The following TDRD5 variants were observed in gnomAD, a reference collection of about 807,000 sequenced individuals.
TDRD5 encodes the protein tudor domain-containing protein 5.
In TDRD5, 41 loss-of-function variants were observed where a neutral mutation model predicts 120.6. That is an observed-to-expected ratio of 0.34 (90% CI 0.26 to 0.44). TDRD5 has a LOEUF of 0.44. Ranked by LOEUF, TDRD5 falls within the 20% of genes least tolerant of loss-of-function variation. The pLI is 1.00. For missense variants in TDRD5, 1,006 were observed against 1,221.2 expected, an observed-to-expected ratio of 0.82 and a Z score of 2.63; for synonymous variants, 430 against 433.7, an observed-to-expected ratio of 0.99 and a Z score of 0.11.
chr1:179,653,072 C>G (rs1203094340), intron 13 of TDRD5, among the ~76,000 whole-genome samples: 1 of 152,106 alleles, frequency 6.6e-6, no homozygotes, highest in Non-Finnish European at 1.5e-5. Context: ...AAGGGATACT[C>G]AATGTGTAAA....
chr1:179,652,507 TC>T lies in TDRD5; in HGVS notation c.2160+313del, dbSNP rs931398723. The stretch of plus-strand genomic sequence containing the variant: ...CTTCAGGTATTCTCGTTTCTTACTT[TC>T]CCTGTAAACTTTCAGCAACTCCTCC... On this transcript the variant is annotated intron_variant, in intron 13 of 17. Transcript: ENST00000444136. Among the ~76,000 whole-genome samples, 5 of 152,256 alleles carry T rather than the reference TC, an allele frequency of 3.3e-5. No individual in the cohort carries two copies. The South Asian group carries it at 6.2e-4, about 19-fold the overall frequency.
At chr1:179,664,578 T>C (rs190177454) in intron 16 of TDRD5, among the ~76,000 whole-genome samples, 13 of 152,276 alleles carry the variant, frequency 8.5e-5, no homozygotes, top group Middle Eastern at 3.4e-3. Flanking sequence ...GATTGTCTTC[T>C]TTCACCTAGC....
chr1:179,648,455 G>A lies in TDRD5; in HGVS notation c.1801-2412G>A, dbSNP rs28437666. 4.5e-4 allele frequency among the ~76,000 whole-genome samples: 40 copies of A among 88,380 alleles called. 4 individuals are homozygous for A. Among genetic ancestry groups the A allele is most frequent in the African/African-American group, 1.4e-3 (36 of 25,898 alleles). 58.0% of individuals were successfully genotyped at this position (88,380 alleles called of 152,430 possible). A position where few individuals can be genotyped will look rare whatever the true frequency, so the allele number is the denominator to read the frequency against. On this transcript the variant is annotated intron_variant, in intron 11 of 17. Coordinates refer to ENST00000444136, the MANE Select transcript of TDRD5 (RefSeq NM_001199085.3). The stretch of plus-strand genomic sequence containing the variant: ...CACTCTGGGGACTGTTGTGGGGTGG[G>A]GGGGGGGAGGGATAGCATTGGGAGA...
intron 17 of TDRD5, among the ~76,000 whole-genome samples, chr1:179,690,486 A>T (rs1378849580): frequency 6.6e-6 from 1 of 152,150 alleles, no homozygotes; most frequent in African/African-American, 2.4e-5. Flanking sequence ...TCCTGACAAG[A>T]TTTATTTTAT....
At chr1:179,663,931 A>G (rs969707529) in intron 16 of TDRD5, among the ~76,000 whole-genome samples, 4 of 152,178 alleles carry the variant, frequency 2.6e-5, no homozygotes, top group Non-Finnish European at 4.4e-5. Flanking sequence ...TTGCTTTGGC[A>G]GAAAGCAGTA....
At chr1:179,667,187 A>G (rs1679598605) in intron 16 of TDRD5, among the ~76,000 whole-genome samples, 2 of 152,196 alleles carry the variant, frequency 1.3e-5, no homozygotes, top group African/African-American at 4.8e-5. Flanking sequence ...TTACTGTTAG[A>G]AGGGGAAGAC....
At position 179,598,491 on chromosome 1, in the gene TDRD5, A is replaced by C. The variant is rs74132203; in HGVS notation, c.831+2673A>C. The stretch of plus-strand genomic sequence containing the variant: ...CATCTTAACAGTATCAAGTCTGCTG[A>C]TTCAAAAGCATGGTATATCTTCATT... On this transcript the variant is annotated intron_variant, in intron 4 of 17. Coordinates refer to ENST00000444136, the MANE Select transcript of TDRD5 (RefSeq NM_001199085.3). Among the ~76,000 whole-genome samples the C allele has an allele frequency of 4.0e-3, 608 of 152,328 alleles. 7 individuals carry two copies. The highest frequency in any genetic ancestry group is 0.014 in the African/African-American group (586 of 41,580).
rs749390072 is a variant in TDRD5, at chr1:179,630,847, T to A, written c.1053T>A (p.Ile351=). Reference sequence around the variant, plus strand: ...AACTTGTTGGAGCTCTTAGTGACATTCTCCATGTTGAGTTCAGGAAAGGAC... The same window carrying A: ...AACTTGTTGGAGCTCTTAGTGACATACTCCATGTTGAGTTCAGGAAAGGAC... ...VTELVGALSD[I]LHVEFRKGHQ... The change falls in exon 7 of 18, where the codon ATT becomes ATA. Residue 351 remains isoleucine, a synonymous_variant. Transcript: ENST00000444136. 8.1e-6 allele frequency: 13 copies of A among 1,614,142 alleles called. No individual in the cohort carries two copies. The highest frequency in any genetic ancestry group is 3.3e-5 in the Admixed American group (2 of 60,034).
chr1:179,660,221 T>C (rs1421898356), intron 14 of TDRD5, among the ~76,000 whole-genome samples: 3 of 127,252 alleles, frequency 2.4e-5, no homozygotes, highest in East Asian at 4.6e-4. Flanking sequence ...GTTTTTTTTT[T>C]TTTTTTTTTT....
Position 179,592,782 on chromosome 1 carries a change from TG to T in TDRD5, c.169del (p.Val57TyrfsTer18). On this transcript the variant is annotated frameshift_variant, in exon 2 of 18. Transcript: ENST00000444136. LOFTEE classifies it high-confidence loss of function. ...RILGYRSTME[L>X]VLDMPDVVRV... ...CTTGGGTATCGGTCCACTATGGAGCTGGTATTGGACATGCCTGATGTTGTTC... is the reference window on the plus strand; with the variant it reads ...CTTGGGTATCGGTCCACTATGGAGCTGTATTGGACATGCCTGATGTTGTTC... 1 of 1,614,202 alleles carries T rather than the reference TG, an allele frequency of 6.2e-7. No homozygotes were observed. The highest frequency in any genetic ancestry group is 1.1e-5 in the South Asian group (1 of 91,088).
In TDRD5 at chr1:179,663,363, A is replaced by G. The variant is rs765095934; in HGVS notation, c.2521A>G (p.Thr841Ala). Residue 841 changes from threonine (T) to alanine (A), a missense_variant, in exon 16 of 18, where the codon ACC becomes GCC. Thr to Ala is a moderately conservative substitution (Grantham distance 58). Transcript: ENST00000444136. The part of the protein sequence containing the change: ...EMPQKDWCFS[T>A]PKDTWDDSWQ... Reference sequence around the variant, plus strand: ...TTCATTATAGGACTGGTGTTTTTCTACCCCTAAAGATACATGGGATGATTC... The same window carrying G: ...TTCATTATAGGACTGGTGTTTTTCTGCCCCTAAAGATACATGGGATGATTC... 1 of 1,610,690 alleles carries G rather than the reference A, an allele frequency of 6.2e-7. No homozygotes were observed. The highest frequency in any genetic ancestry group is 1.1e-5 in the South Asian group (1 of 90,070).
intron 6 of TDRD5, among the ~76,000 whole-genome samples, chr1:179,623,661 AG>A (rs1404783077): frequency 8.2e-6 from 1 of 122,332 alleles, no homozygotes; most frequent in Non-Finnish European, 1.6e-5. Flanking sequence ...TTTAAGAGAG[AG>A]TCTCACTGTC....
intron 16 of TDRD5, among the ~76,000 whole-genome samples, chr1:179,667,104 T>C (rs1572420579): frequency 6.6e-6 from 1 of 152,238 alleles, no homozygotes; most frequent in African/African-American, 2.4e-5. Context: ...AAGCTCTTCA[T>C]GTCTAGCAAG....
intron 8 of TDRD5, among the ~76,000 whole-genome samples, chr1:179,635,106 T>C (rs1402521467): frequency 1.3e-5 from 2 of 152,214 alleles, no homozygotes; most frequent in Non-Finnish European, 2.9e-5. Context: ...CTTGCTCTTT[T>C]TCCCTTCTAC....
At chr1:179,660,155 C>A (rs1011959510) in intron 14 of TDRD5, among the ~76,000 whole-genome samples, 7 of 145,758 alleles carry the variant, frequency 4.8e-5, no homozygotes, top group Admixed American at 6.8e-5. Flanking sequence ...CCTCCTCTTT[C>A]TTGCCTTCTC....
At chr1:179,631,149 T>C (rs925646224) in intron 7 of TDRD5, among the ~76,000 whole-genome samples, 3 of 152,214 alleles carry the variant, frequency 2.0e-5, no homozygotes, top group Non-Finnish European at 2.9e-5. Flanking sequence ...CCCAGCACTT[T>C]GGGAGGCCGA....
chr1:179,677,603 T>C (rs1469700986), intron 17 of TDRD5, among the ~76,000 whole-genome samples: 1 of 152,140 alleles, frequency 6.6e-6, no homozygotes, highest in Non-Finnish European at 1.5e-5. Context: ...AGAACTGAAC[T>C]GTGGTGATTG....
intron 7 of TDRD5, 88 bp from the exon 8 acceptor site, chr1:179,634,369 T>G: frequency 7.2e-7 from 1 of 1,383,306 alleles, no homozygotes; most frequent in Non-Finnish European, 9.8e-7. Flanking sequence ...TTAGTAATGG[T>G]TGTATAGCTA....
At chr1:179,670,143 G>A (rs561388569) in intron 17 of TDRD5, among the ~76,000 whole-genome samples, 64 of 152,302 alleles carry the variant, frequency 4.2e-4, no homozygotes, top group Admixed American at 6.5e-4. Context: ...TGTAATCCCA[G>A]CACTTTGGGA....
Sources: gnomAD v4.1 joint callset for allele counts (sites outside exome capture counted in the v4.1 genomes callset) on GRCh38, gnomAD v4.1.1 for gene constraint, MANE v1.5 for transcripts, NCBI Gene and HGNC (gene_info 2026-07-23, HGNC 2026-07-21) for gene names.